UBR2: variants seen among roughly 807,000 people sequenced by gnomAD.
UBR2 encodes the protein E3 ubiquitin-protein ligase UBR2.
Under a neutral mutation model 247.9 loss-of-function variants are expected in UBR2, and 92 were observed. That is an observed-to-expected ratio of 0.37 (90% CI 0.31 to 0.44). The LOEUF is 0.44. Ranked by LOEUF, UBR2 falls within the 20% of genes least tolerant of loss-of-function variation. The pLI is 1.00. For synonymous variants in UBR2, 672 were observed against 693.5 expected, an observed-to-expected ratio of 0.97 and a Z score of 0.49; for missense variants, 1,613 against 2,112.6, an observed-to-expected ratio of 0.76 and a Z score of 4.64.
rs1434865103 is a variant in UBR2, at chr6:42,681,040, G to T, written c.4718+1208G>T. ...TAGCCAGGTGTGTTGGTAGGTGCCTGTAATCCCAGCTACTCGGGAGGCTGA... is the reference window on the plus strand; with the variant it reads ...TAGCCAGGTGTGTTGGTAGGTGCCTTTAATCCCAGCTACTCGGGAGGCTGA... On this transcript the variant is annotated intron_variant, in intron 42 of 46. Transcript: ENST00000372901. Among the ~76,000 whole-genome samples, 4 of 152,088 alleles carry T rather than the reference G, an allele frequency of 2.6e-5. No homozygotes were observed. In the South Asian group the frequency reaches 6.2e-4, roughly 24 times the overall value.
intron 11 of UBR2, among the ~76,000 whole-genome samples, chr6:42,629,645 A>C (rs1795576063): frequency 6.6e-6 from 1 of 152,100 alleles, no homozygotes; most frequent in Non-Finnish European, 1.5e-5. Context: ...TGACAAAGCA[A>C]AACTCTGTCT....
intron 25 of UBR2, among the ~76,000 whole-genome samples, chr6:42,653,420 C>T (rs1040082298): frequency 5.3e-5 from 8 of 151,882 alleles, no homozygotes; most frequent in African/African-American, 1.9e-4. Flanking sequence ...TAATGTAAGC[C>T]GTTCGTACAC....
At chr6:42,600,089 G>A (rs1793262860) in intron 4 of UBR2, among the ~76,000 whole-genome samples, 1 of 152,060 alleles carries the variant, frequency 6.6e-6, no homozygotes, top group African/African-American at 2.4e-5. Context: ...GCAGTATGGA[G>A]AAAATCCTCA....
In UBR2 at chr6:42,674,480, C is replaced by T. The variant is rs532338599; in HGVS notation, c.4251+287C>T. 6.6e-5 allele frequency among the ~76,000 whole-genome samples: 10 copies of T among 152,230 alleles called. No homozygotes were observed. In the East Asian group the frequency reaches 1.5e-3, roughly 23 times the overall value. On this transcript the variant is annotated intron_variant, in intron 38 of 46. Transcript: ENST00000372901. ...TGTAAAGAGATAAAAACACCAGCAA[C>T]GGGTCAGGTGTGGTGACTCATGCCT...
chr6:42,589,919 A>G (rs1171317380), intron 2 of UBR2, among the ~76,000 whole-genome samples: 1 of 152,070 alleles, frequency 6.6e-6, no homozygotes, highest in Non-Finnish European at 1.5e-5. Context: ...TTATTTTTGA[A>G]TGTTAGCAGT....
chr6:42,640,455 G>T (rs1033914921), intron 16 of UBR2, among the ~76,000 whole-genome samples, 185 bp downstream of exon 16: 2 of 151,476 alleles, frequency 1.3e-5, no homozygotes, highest in African/African-American at 4.9e-5. Context: ...TATATAGAGA[G>T]AGAGAGACAG....
In UBR2 at chr6:42,648,106, C is replaced by A. The variant is rs887083656; in HGVS notation, c.2410-12C>A. 2.5e-6 allele frequency: 4 copies of A among 1,612,544 alleles called. No homozygotes were observed. The highest frequency in any genetic ancestry group is 3.4e-6 in the Non-Finnish European group (4 of 1,178,726). ...TATTAACATGAAACACACTTGTGTC[C>A]TGTACCTTTAGGAGAACAAGGAGAC... is the stretch of plus-strand genomic sequence containing the variant. On this transcript the variant is annotated splice_polypyrimidine_tract_variant and intron_variant, in intron 21 of 46. Coordinates refer to ENST00000372901, the MANE Select transcript of UBR2 (RefSeq NM_001363705.2).
chr6:42,602,833 G>A (rs927653665), intron 4 of UBR2, among the ~76,000 whole-genome samples: 4 of 151,440 alleles, frequency 2.6e-5, no homozygotes, highest in Non-Finnish European at 5.9e-5. Context: ...GGAACATACT[G>A]CTATTTTAAT....
intron 2 of UBR2, among the ~76,000 whole-genome samples, 181 bp downstream of exon 2, chr6:42,574,174 CA>C (rs555780906): frequency 1.3e-5 from 2 of 151,708 alleles, no homozygotes; most frequent in Non-Finnish European, 2.9e-5. Context: ...TATTCTTGAT[CA>C]AAAAAAATTG....
At chr6:42,577,762 T>C (rs1307752924) in intron 2 of UBR2, among the ~76,000 whole-genome samples, 1 of 152,174 alleles carries the variant, frequency 6.6e-6, no homozygotes, top group African/African-American at 2.4e-5. Context: ...TTTTTTAACA[T>C]TTAAAAACGT....
intron 11 of UBR2, among the ~76,000 whole-genome samples, chr6:42,631,521 TTACTC>T (rs1349520588): frequency 2.6e-5 from 4 of 152,122 alleles, no homozygotes; most frequent in Non-Finnish European, 4.4e-5. Context: ...TTTTAGGAAA[TTACTC>T]TATAAATATT....
At chr6:42,584,383 G>C (rs753334830) in intron 2 of UBR2, among the ~76,000 whole-genome samples, 66 of 152,234 alleles carry the variant, frequency 4.3e-4, no homozygotes, top group Non-Finnish European at 4.6e-4. Context: ...TCATTGCTAT[G>C]TCTATTCTTA....
intron 13 of UBR2, chr6:42,634,230 G>T: frequency 2.5e-6 from 1 of 405,852 alleles, no homozygotes; most frequent in Admixed American, 3.4e-5. Context: ...TTTTTCCCCT[G>T]TTTAATTCTC....
rs192661501 is a variant in UBR2, at chr6:42,565,766, G to A, written c.78+1369G>A. ...GTAGAGTTGGGGTTTCTCCATGTTG[G>A]TCAGGGTGGTCTCAAACTCCCGACC... is the stretch of plus-strand genomic sequence containing the variant. On this transcript the variant is annotated intron_variant, in intron 1 of 46. Transcript: ENST00000372901. 1.6e-3 allele frequency among the ~76,000 whole-genome samples: 240 copies of A among 152,134 alleles called. 1 individual carries two copies. Among genetic ancestry groups the A allele is most frequent in the Non-Finnish European group, 1.5e-3 (103 of 68,006 alleles).
In UBR2 at chr6:42,619,412, CATATATATATATATATATAT is replaced by C. The variant is rs1194148203; in HGVS notation, c.1281+1928_1281+1947del. ...AACTTCATAGTTCTCTCGTTATGAA[CATATATATATATATATATAT>C]ATATATATATATATATATATATTTT... On this transcript the variant is annotated intron_variant, in intron 11 of 46. Transcript: ENST00000372901. The C allele has an allele frequency of 1.2e-3, 34 of 28,452 alleles. 1 individual carries two copies. The highest frequency in any genetic ancestry group is 2.0e-3 in the South Asian group (1 of 502). The allele number at this position is 28,452 out of a possible 1,614,324, so 1.8% of individuals were successfully genotyped here. A position where few individuals can be genotyped will look rare whatever the true frequency, so the allele number is the denominator to read the frequency against.
At chr6:42,676,734 T>C in intron 39 of UBR2, 49 bp from the exon 40 acceptor site, 5 of 1,428,532 alleles carry the variant, frequency 3.5e-6, no homozygotes, top group Non-Finnish European at 4.9e-6. Context: ...GTCCTTTTGA[T>C]AACACTTAAT....
intron 26 of UBR2, among the ~76,000 whole-genome samples, chr6:42,657,454 A>G (rs1459427216): frequency 1.3e-5 from 2 of 152,216 alleles, no homozygotes; most frequent in African/African-American, 4.8e-5. Context: ...CACACAGGTC[A>G]ATCTCTTCCC....
chr6:42,580,581 C>T (rs533725839), intron 2 of UBR2, among the ~76,000 whole-genome samples: 381 of 152,170 alleles, frequency 2.5e-3, no homozygotes, highest in African/African-American at 8.9e-3. Flanking sequence ...ATGCTGTTGC[C>T]CAGGCTGGAG....
At chr6:42,640,439 GATACATAT>G (rs1373905988) in intron 16 of UBR2, among the ~76,000 whole-genome samples, 169 bp downstream of exon 16, 2 of 138,644 alleles carry the variant, frequency 1.4e-5, no homozygotes. Context: ...TGTGTGTATA[GATACATAT>G]ATAGAGAGAG....
Sources: gnomAD v4.1 joint callset for allele counts (sites outside exome capture counted in the v4.1 genomes callset) on GRCh38, gnomAD v4.1.1 for gene constraint, MANE v1.5 for transcripts, NCBI Gene and HGNC (gene_info 2026-07-23, HGNC 2026-07-21) for gene names.